FRMPD4: variants seen among roughly 807,000 people sequenced by gnomAD.
The protein encoded by FRMPD4 is FERM and PDZ domain containing 4, also known as FERM and PDZ domain-containing protein 4.
FRMPD4 carries 22 observed loss-of-function variants against 94.1 expected under a neutral mutation model. The ratio of observed to expected loss-of-function variants is 0.23; its 90% CI spans 0.17 to 0.33. The LOEUF (loss-of-function observed/expected upper bound fraction) is 0.33. Among genes scored for constraint, FRMPD4 ranks in the 10% least tolerant of loss-of-function variants. FRMPD4 has a pLI of 1.00. For missense variants in FRMPD4, 1,111 were observed against 1,339.9 expected (o/e 0.83, Z 2.67); for synonymous variants, 631 against 548.6 (o/e 1.15, Z -2.10).
intron 3 of FRMPD4, among the ~76,000 whole-genome samples, chrX:11,931,810 T>A (rs1305266120): frequency 8.9e-6 from 1 of 112,085 alleles, no homozygotes; most frequent in East Asian, 2.8e-4. Context: ...CAAATGGAAA[T>A]GGAGGAGGCA....
At chrX:12,422,110 T>G (rs1021149246) in intron 1 of FRMPD4, among the ~76,000 whole-genome samples, 7 of 112,385 alleles carry the variant, frequency 6.2e-5, no homozygotes, top group African/African-American at 1.9e-4. Context: ...GAATTATAAG[T>G]GAGTATGGCT....
intron 3 of FRMPD4, among the ~76,000 whole-genome samples, chrX:11,999,646 C>A (rs1601877515): frequency 8.9e-6 from 1 of 112,143 alleles, no homozygotes; most frequent in Non-Finnish European, 1.9e-5. Flanking sequence ...TTAGCACATG[C>A]AAAGCAACGT....
At chrX:11,843,827 C>T (rs1403943843) in intron 1 of FRMPD4, among the ~76,000 whole-genome samples, 1 of 111,123 alleles carries the variant, frequency 9.0e-6, no homozygotes, top group Non-Finnish European at 1.9e-5. Flanking sequence ...CTTGGGATTT[C>T]AGGCACGAGC....
chrX:12,074,268 C>T (rs948006560), intron 3 of FRMPD4, among the ~76,000 whole-genome samples: 7 of 111,701 alleles, frequency 6.3e-5, no homozygotes, highest in Non-Finnish European at 1.1e-4. Context: ...ATAACTCCAA[C>T]TCCAAAATTG....
intron 3 of FRMPD4, among the ~76,000 whole-genome samples, chrX:12,022,333 G>A (rs2054636073): frequency 9.0e-6 from 1 of 111,682 alleles, no homozygotes; most frequent in African/African-American, 3.3e-5. Context: ...TGCTAGCACA[G>A]GAAAGTTGCT....
At chrX:11,851,104 G>A (rs1188907844) in intron 1 of FRMPD4, among the ~76,000 whole-genome samples, 1 of 111,877 alleles carries the variant, frequency 8.9e-6, no homozygotes, top group Non-Finnish European at 1.9e-5. Flanking sequence ...AGGTGGGGTG[G>A]AAAGGTGCTA....
intron 1 of FRMPD4, among the ~76,000 whole-genome samples, chrX:11,858,631 T>A (rs1002522039): frequency 1.8e-5 from 2 of 111,135 alleles, no homozygotes; most frequent in Non-Finnish European, 3.8e-5. Flanking sequence ...GATGAAATAA[T>A]CTGTACAACA....
At chrX:11,867,733 G>A (rs2053729864) in intron 2 of FRMPD4, among the ~76,000 whole-genome samples, 1 of 111,693 alleles carries the variant, frequency 9.0e-6, no homozygotes, top group Non-Finnish European at 1.9e-5. Flanking sequence ...TTGACTCATA[G>A]GCATGCTGGC....
intron 1 of FRMPD4, among the ~76,000 whole-genome samples, chrX:11,838,268 T>C (rs2053513162): frequency 9.0e-6 from 1 of 111,069 alleles, no homozygotes; most frequent in African/African-American, 3.3e-5. Context: ...AAAACTGTAA[T>C]ATAAATATAT....
At chrX:12,323,372 A>G (rs1158806052) in intron 1 of FRMPD4, among the ~76,000 whole-genome samples, 25 of 112,062 alleles carry the variant, frequency 2.2e-4, no homozygotes, top group Non-Finnish European at 5.6e-5. Context: ...TCTTCATAGC[A>G]GCATGCCTGA....
chrX:12,215,920 A>C (rs2056802016), intron 1 of FRMPD4, among the ~76,000 whole-genome samples: 1 of 112,147 alleles, frequency 8.9e-6, no homozygotes, highest in Non-Finnish European at 1.9e-5. Flanking sequence ...ATTCATTTTC[A>C]TATCATCTGT....
intron 2 of FRMPD4, among the ~76,000 whole-genome samples, chrX:12,575,274 A>T (rs2058798794): frequency 9.0e-6 from 1 of 110,673 alleles, no homozygotes; most frequent in Admixed American, 9.6e-5. Context: ...AGTAGATCAT[A>T]AAAAAAATAA....
chrX:12,129,766 T>A (rs1199237512), intron 3 of FRMPD4, among the ~76,000 whole-genome samples: 1 of 111,750 alleles, frequency 8.9e-6, no homozygotes, highest in Admixed American at 9.5e-5. Context: ...TCTCTAATCA[T>A]TTAACTTCCT....
chrX:12,307,743 T>G (rs1264559750), intron 1 of FRMPD4, among the ~76,000 whole-genome samples: 2 of 111,532 alleles, frequency 1.8e-5, no homozygotes, highest in Non-Finnish European at 3.8e-5. Flanking sequence ...GTAAAAATAA[T>G]CAAAGAAAGC....
chrX:12,644,496 T>C (rs1429057831), intron 4 of FRMPD4, among the ~76,000 whole-genome samples: 3 of 111,495 alleles, frequency 2.7e-5, no homozygotes, highest in Non-Finnish European at 5.6e-5. Flanking sequence ...GAGGTCCTAA[T>C]TGAAAATGAG....
intron 11 of FRMPD4, among the ~76,000 whole-genome samples, chrX:12,705,724 AT>A (rs201848420): frequency 9.1e-6 from 1 of 109,538 alleles, no homozygotes; most frequent in East Asian, 2.8e-4. Context: ...TTGACTTGTG[AT>A]TTTTTTTTCA....
In FRMPD4 at chrX:12,476,833, A is replaced by G. The variant is rs377597558; in HGVS notation, c.42-21847A>G. Among the ~76,000 whole-genome samples the G allele has an allele frequency of 6.3e-5, 7 of 111,727 alleles. 1 individual carries two copies. The highest frequency in any genetic ancestry group is 1.9e-4 in the Admixed American group (2 of 10,577). On this transcript the variant is annotated intron_variant, in intron 1 of 16. Transcript: ENST00000675598. ...GGAAACAACAGGTGCTGGAGAGGAT[A>G]TGGAGAAATAGGAACACTTTTACAC...
intron 1 of FRMPD4, among the ~76,000 whole-genome samples, chrX:12,372,789 G>A (rs1320627060): frequency 8.9e-6 from 1 of 112,310 alleles, no homozygotes; most frequent in Non-Finnish European, 1.9e-5. Context: ...GACAGAGCTG[G>A]CCTCCCTTTC....
chrX:12,658,692 CT>C (rs2059684530), intron 4 of FRMPD4, among the ~76,000 whole-genome samples: 1 of 109,323 alleles, frequency 9.1e-6, no homozygotes, highest in African/African-American at 3.3e-5. Flanking sequence ...TTTTTTAGTA[CT>C]TTTTGTGCTT....
Sources: allele counts gnomAD v4.1 joint callset (sites outside exome capture counted in the v4.1 genomes callset), GRCh38; gene constraint gnomAD v4.1.1; transcripts MANE v1.5; gene names NCBI Gene and HGNC (gene_info 2026-07-23, HGNC 2026-07-21).